SLFN12: variants seen among roughly 807,000 people sequenced by gnomAD.
SLFN12 encodes the protein schlafen family member 12.
Under a neutral mutation model 29.1 loss-of-function variants are expected in SLFN12, and 25 were observed. That is an observed-to-expected ratio of 0.86 (90% confidence interval 0.63 to 1.20). The LOEUF is 1.20. SLFN12 is among the 50% of genes most tolerant of loss of function. The pLI is 0.00. For missense variants in SLFN12, 660 were observed against 666.2 expected, an observed-to-expected ratio of 0.99 and a Z score of 0.10; for synonymous variants, 257 against 238.7, an observed-to-expected ratio of 1.08 and a Z score of -0.71.
At chr17:35,421,927 T>A (rs1337211970) in intron 2 of SLFN12, 63 bp downstream of exon 2, 2 of 1,562,672 alleles carry the variant, frequency 1.3e-6, no homozygotes, top group Non-Finnish European at 1.7e-6. Flanking sequence ...CCAGATCCCA[T>A]AGAGAAAACC....
At position 35,421,019 on chromosome 17, in the gene SLFN12, C is replaced by A. The variant is rs1477972875; in HGVS notation, c.1040-638G>T. Among the ~76,000 whole-genome samples, 3 of 151,826 alleles carry A rather than the reference C, an allele frequency of 2.0e-5. No homozygotes were observed. In the East Asian group the frequency reaches 5.8e-4, roughly 29 times the overall value. On this transcript the variant is annotated intron_variant, in intron 2 of 3. Transcript: ENST00000304905. ...GGTCAAGAGTTCGAGACCAGCCTGGCCAACATGGTGAAACTCCGTCTCTAC... is the reference window on the plus strand; with the variant it reads ...GGTCAAGAGTTCGAGACCAGCCTGGACAACATGGTGAAACTCCGTCTCTAC...
intron 3 of SLFN12, among the ~76,000 whole-genome samples, chr17:35,414,259 C>A (rs188074894): frequency 1.6e-4 from 24 of 152,066 alleles, no homozygotes; most frequent in Admixed American, 1.3e-3. Flanking sequence ...ATGATCAGAA[C>A]AAATAAAAGA....
intron 3 of SLFN12, 69 bp downstream of exon 3, chr17:35,420,205 C>G (rs372367340): frequency 9.1e-7 from 1 of 1,104,152 alleles, no homozygotes; most frequent in African/African-American, 1.6e-5. Flanking sequence ...CAAGACTGAG[C>G]TGGTTTGAAG....
chr17:35,412,755 T>A (rs1911098094), intron 3 of SLFN12, among the ~76,000 whole-genome samples: 2 of 151,412 alleles, frequency 1.3e-5, no homozygotes, highest in Admixed American at 6.6e-5. Context: ...AGGAGAAAAA[T>A]CAGATCAGAG....
chr17:35,414,393 A>G lies in SLFN12; in HGVS notation c.1148-2466T>C, dbSNP rs912494641. Among the ~76,000 whole-genome samples, 4 of 152,094 alleles carry G rather than the reference A, an allele frequency of 2.6e-5. No individual in the cohort carries two copies. The South Asian group carries it at 8.3e-4, about 32-fold the overall frequency. ...AGCTACAAAAAATACTTGATAATAA[A>G]TGTTATCAAGGAGATGAAAGATTTC... On this transcript the variant is annotated intron_variant, in intron 3 of 3. Coordinates refer to ENST00000304905, the MANE Select transcript of SLFN12 (RefSeq NM_018042.5).
At chr17:35,427,253 T>C (rs1212903388) in intron 1 of SLFN12, among the ~76,000 whole-genome samples, 1 of 152,192 alleles carries the variant, frequency 6.6e-6, no homozygotes, top group Non-Finnish European at 1.5e-5. Flanking sequence ...TTTCCTTGAT[T>C]GGGCATTCAT....
rs752521571 is a variant in SLFN12, at chr17:35,422,379, C to A, written c.650G>T (p.Arg217Leu). 19 of 1,613,814 alleles carry A rather than the reference C, an allele frequency of 1.2e-5. No individual in the cohort carries two copies. Among genetic ancestry groups the A allele is most frequent in the Non-Finnish European group, 1.6e-5 (19 of 1,179,978 alleles). ...ATATTGAGGGAGAATCTCTTTAATT[C>A]GTTGTAACAACTTTTCTGTCGAGAA... is the stretch of plus-strand genomic sequence containing the variant. ...KNFSTEKLLQ[R>L]IKEILPQYVS... The change falls in exon 2 of 4, where the codon CGA (arginine) becomes CTA (leucine). Residue 217 changes from arginine to leucine, a missense_variant. Arg to Leu is a moderately radical substitution (Grantham distance 102). Transcript: ENST00000304905.
chr17:35,414,356 C>T (rs571205272), intron 3 of SLFN12, among the ~76,000 whole-genome samples: 25 of 151,980 alleles, frequency 1.6e-4, no homozygotes, highest in African/African-American at 6.0e-4. Context: ...AGAAAACACT[C>T]CCATTTACAA....
At position 35,422,060 on chromosome 17, in the gene SLFN12, A is replaced by G. The variant is rs1056034033; in HGVS notation, c.969T>C (p.His323=). 12 of 1,613,952 alleles carry G rather than the reference A, an allele frequency of 7.4e-6. No homozygotes were observed. Among genetic ancestry groups the G allele is most frequent in the South Asian group, 1.1e-5 (1 of 91,092 alleles). The change falls in exon 2 of 4, where the codon CAT becomes CAC. Residue 323 remains histidine (H), a synonymous_variant. Transcript: ENST00000304905. ...ACTGCATCACACGGTTATCTTTCAC[A>G]TGCCAGGAATCAGGCTCTTTAGCAA... The part of the protein sequence containing the change: ...AVFAKEPDSW[H]VKDNRVMQLT...
At chr17:35,426,842 A>T (rs1210697192) in intron 1 of SLFN12, among the ~76,000 whole-genome samples, 1 of 152,106 alleles carries the variant, frequency 6.6e-6, no homozygotes, top group Non-Finnish European at 1.5e-5. Context: ...GGCTTTCTTG[A>T]TTCCTCTACA....
At position 35,411,592 on chromosome 17, in the gene SLFN12, T is replaced by C. The variant is rs751373103; in HGVS notation, c.1483A>G (p.Thr495Ala). The C allele has an allele frequency of 8.1e-6, 13 of 1,613,992 alleles. No individual in the cohort carries two copies. Among genetic ancestry groups the C allele is most frequent in the Non-Finnish European group, 9.3e-6 (11 of 1,180,016 alleles). Residue 495 changes from threonine (T) to alanine (A), a missense_variant, in exon 4 of 4, where the codon ACA (threonine) becomes GCA (alanine). Physicochemically the swap from Thr to Ala is moderately conservative, Grantham distance 58. Coordinates refer to ENST00000304905, the MANE Select transcript of SLFN12 (RefSeq NM_018042.5). ...TCAGGGCTCAAGTAGAAGATCTTTG[T>C]CATGACACACACTTTTTTAGTGTAA... ...GGYTKKVCVM[T>A]KIFYLSPEGM...
rs1284437271 is a variant in SLFN12 at position 35,410,974 on chromosome 17, A to T, written c.*364T>A. 1 of 155,424 alleles carries T rather than the reference A, an allele frequency of 6.4e-6. No homozygotes were observed. The highest frequency in any genetic ancestry group is 1.4e-5 in the Non-Finnish European group (1 of 70,470). 9.6% of individuals were successfully genotyped at this position (155,424 alleles called of 1,614,324 possible). A position where few individuals can be genotyped will look rare whatever the true frequency, so the allele number is the denominator to read the frequency against. ...ACTGTGGAAATTCTGAGTTTCATCA[A>T]GGATAATCTTTTGTAAGTTATAATT... On this transcript the variant is annotated 3_prime_UTR_variant, in exon 4 of 4. Transcript: ENST00000304905.
chr17:35,427,426 T>C (rs559050567), intron 1 of SLFN12, among the ~76,000 whole-genome samples: 1 of 152,234 alleles, frequency 6.6e-6, no homozygotes, highest in Non-Finnish European at 1.5e-5. Context: ...TTTTAAGATT[T>C]TGCACCCATG....
rs1912371649 is a variant in SLFN12, at chr17:35,432,372, A to G, written c.-225T>C. On this transcript the variant is annotated 5_prime_UTR_variant, in exon 1 of 4. Transcript: ENST00000304905. ...GCAGGCCCGAGGATAGCGGCTCAAG[A>G]GCCCGGTTTCAGAATTTTCTGGGGT... The G allele has an allele frequency of 6.6e-6, 1 of 152,252 alleles. No homozygotes were observed. The highest frequency in any genetic ancestry group is 2.1e-4 in the South Asian group (1 of 4,826). 9.4% of individuals were successfully genotyped at this position (152,252 alleles called of 1,614,324 possible).
At chr17:35,425,080 G>A (rs1159116262) in intron 1 of SLFN12, among the ~76,000 whole-genome samples, 1 of 151,972 alleles carries the variant, frequency 6.6e-6, no homozygotes, top group East Asian at 1.9e-4. Context: ...TTGAAGCCAA[G>A]AGTTCAAGAC....
intron 2 of SLFN12, among the ~76,000 whole-genome samples, chr17:35,421,398 A>G (rs1911638283): frequency 1.3e-5 from 2 of 151,828 alleles, no homozygotes; most frequent in South Asian, 4.1e-4. Context: ...AAACTAGTAT[A>G]GACGTGGTAG....
chr17:35,429,731 C>T (rs1325828158), intron 1 of SLFN12, among the ~76,000 whole-genome samples: 1 of 151,934 alleles, frequency 6.6e-6, no homozygotes, highest in Non-Finnish European at 1.5e-5. Context: ...CTTTGCCCTC[C>T]TAGGATGTCA....
chr17:35,422,546 T>C lies in SLFN12; in HGVS notation c.483A>G (p.Glu161=). 6.2e-7 allele frequency: 1 copy of C among 1,614,116 alleles called. No homozygotes were observed. The highest frequency in any genetic ancestry group is 2.2e-5 in the East Asian group (1 of 44,888). ...KTRGRLYLRP[E]LLAKRPCVDI... is the part of the protein sequence containing the mutation. ...CAACACAGGGCCTCTTTGCCAGCAA[T>C]TCTGGTCTTAAATACAATCTCCCTC... Residue 161 remains glutamate, a synonymous_variant, in exon 2 of 4, where the codon GAA becomes GAG. Coordinates refer to ENST00000304905, the MANE Select transcript of SLFN12 (RefSeq NM_018042.5).
intron 3 of SLFN12, among the ~76,000 whole-genome samples, chr17:35,417,843 T>C (rs1006995389): frequency 1.3e-5 from 2 of 151,392 alleles, no homozygotes; most frequent in African/African-American, 4.9e-5. Flanking sequence ...AACAAGAAAA[T>C]GGAACTTTTA....
Sources: gnomAD v4.1 joint callset for allele counts (sites outside exome capture counted in the v4.1 genomes callset) on GRCh38, gnomAD v4.1.1 for gene constraint, MANE v1.5 for transcripts, NCBI Gene and HGNC (gene_info 2026-07-23, HGNC 2026-07-21) for gene names.